Variants in TSHZ2 observed in about 807,000 individuals in gnomAD.
The protein encoded by TSHZ2 is teashirt zinc finger homeobox 2.
Under a neutral mutation model 74.4 loss-of-function variants are expected in TSHZ2, and 21 were observed. The ratio of observed to expected loss-of-function variants is 0.28; its 90% CI spans 0.20 to 0.41. The LOEUF (loss-of-function observed/expected upper bound fraction) is 0.41, where lower values mean the gene tolerates loss of function less well. TSHZ2 is among the 10% of genes least tolerant of loss of function. The pLI is 1.00. For missense variants in TSHZ2, 1,244 were observed against 1,293.5 expected, an observed-to-expected ratio of 0.96 and a Z score of 0.59; for synonymous variants, 540 against 515.3, an observed-to-expected ratio of 1.05 and a Z score of -0.65.
chr20:53,127,431 T>G (rs1600703140), intron 1 of TSHZ2, among the ~76,000 whole-genome samples: 1 of 152,366 alleles, frequency 6.6e-6, no homozygotes, highest in Non-Finnish European at 1.5e-5. Context: ...TGGCTGGGCA[T>G]AGTGGCGCAC....
chr20:53,413,376 C>A (rs987929190), intron 2 of TSHZ2, among the ~76,000 whole-genome samples: 9 of 152,210 alleles, frequency 5.9e-5, no homozygotes, highest in African/African-American at 2.2e-4. Context: ...ACTTAGAAAT[C>A]CTGCAGTGTG....
chr20:53,093,646 C>G (rs1275706195), intron 1 of TSHZ2, among the ~76,000 whole-genome samples: 1 of 152,192 alleles, frequency 6.6e-6, no homozygotes, highest in African/African-American at 2.4e-5. Context: ...TTAGATGTTA[C>G]TTCCTCAGAG....
intron 1 of TSHZ2, among the ~76,000 whole-genome samples, chr20:52,999,993 T>C (rs1982352445): frequency 1.3e-5 from 2 of 152,218 alleles, no homozygotes; most frequent in South Asian, 4.1e-4. Context: ...TATTGAGTAA[T>C]GTTGTTTGTG....
intron 2 of TSHZ2, among the ~76,000 whole-genome samples, chr20:53,270,506 A>G (rs1990812506): frequency 6.6e-6 from 1 of 152,206 alleles, no homozygotes; most frequent in South Asian, 2.1e-4. Context: ...GCAGAGCTGG[A>G]AACTAAGTAT....
chr20:53,343,178 G>T (rs186874510), intron 2 of TSHZ2, among the ~76,000 whole-genome samples: 1 of 151,562 alleles, frequency 6.6e-6, no homozygotes, highest in Admixed American at 6.6e-5. Context: ...TCCTGGCCAG[G>T]TTGGTCTTGA....
At chr20:53,134,761 T>C (rs16997584) in intron 1 of TSHZ2, among the ~76,000 whole-genome samples, 14,979 of 152,174 alleles carry the variant, frequency 0.098, 938 homozygotes, top group East Asian at 0.19. Flanking sequence ...TGCTTTTATA[T>C]TTTTGTTGGT....
chr20:53,444,107 C>T (rs1984455483), intron 2 of TSHZ2, among the ~76,000 whole-genome samples: 4 of 152,120 alleles, frequency 2.6e-5, no homozygotes, highest in Admixed American at 2.6e-4. Flanking sequence ...AGAAGTCACC[C>T]TATGTTTGAA....
intron 1 of TSHZ2, among the ~76,000 whole-genome samples, chr20:53,200,346 G>A (rs6097295): frequency 0.48 from 72,365 of 152,036 alleles, 21,615 homozygotes; most frequent in African/African-American, 0.83. Context: ...GCCTTCACCT[G>A]AAAACCAGGA....
At chr20:53,143,907 T>A (rs1987475092) in intron 1 of TSHZ2, among the ~76,000 whole-genome samples, 1 of 152,008 alleles carries the variant, frequency 6.6e-6, no homozygotes, top group Non-Finnish European at 1.5e-5. Context: ...CAAACCAGTC[T>A]CCCTGAAAAC....
At chr20:53,137,268 C>A (rs997362383) in intron 1 of TSHZ2, among the ~76,000 whole-genome samples, 1 of 150,086 alleles carries the variant, frequency 6.7e-6, no homozygotes, top group African/African-American at 2.4e-5. Flanking sequence ...CACAGCTGGG[C>A]AGACAGATGG....
chr20:53,445,888 G>C (rs1984526597), intron 2 of TSHZ2, among the ~76,000 whole-genome samples: 1 of 152,154 alleles, frequency 6.6e-6, no homozygotes, highest in Non-Finnish European at 1.5e-5. Context: ...CACGTGCCTT[G>C]ATCATGTAAG....
At chr20:52,994,703 T>C (rs1982117246) in intron 1 of TSHZ2, among the ~76,000 whole-genome samples, 1 of 152,170 alleles carries the variant, frequency 6.6e-6, no homozygotes, top group Non-Finnish European at 1.5e-5. Context: ...AGCCATAATG[T>C]GCCGTGAAGT....
chr20:53,224,531 T>C (rs1254729742), intron 1 of TSHZ2, among the ~76,000 whole-genome samples: 1 of 152,182 alleles, frequency 6.6e-6, no homozygotes, highest in Non-Finnish European at 1.5e-5. Context: ...GAAATGTTAG[T>C]GCATTCTCCA....
intron 1 of TSHZ2, among the ~76,000 whole-genome samples, chr20:53,186,514 G>A (rs941839089): frequency 1.3e-5 from 2 of 152,172 alleles, no homozygotes; most frequent in African/African-American, 2.4e-5. Flanking sequence ...TCAGCTCTAG[G>A]AAGAAAACTC....
At chr20:52,981,808 C>T (rs2122880549) in intron 1 of TSHZ2, among the ~76,000 whole-genome samples, 1 of 152,308 alleles carries the variant, frequency 6.6e-6, no homozygotes, top group African/African-American at 2.4e-5. Flanking sequence ...TGCCACTAAA[C>T]AAGTGCTTTT....
intron 2 of TSHZ2, among the ~76,000 whole-genome samples, chr20:53,282,085 A>G (rs920554717): frequency 2.0e-5 from 3 of 152,184 alleles, no homozygotes; most frequent in Non-Finnish European, 4.4e-5. Context: ...CTACAGATGC[A>G]TTTCCCTGTG....
intron 2 of TSHZ2, among the ~76,000 whole-genome samples, chr20:53,395,278 C>A (rs1175956431): frequency 6.6e-6 from 1 of 152,046 alleles, no homozygotes; most frequent in Non-Finnish European, 1.5e-5. Flanking sequence ...ATTAATGGAA[C>A]CTGGACCTAT....
At chr20:53,191,454 G>A (rs1177985817) in intron 1 of TSHZ2, among the ~76,000 whole-genome samples, 1 of 152,200 alleles carries the variant, frequency 6.6e-6, no homozygotes, top group Non-Finnish European at 1.5e-5. Flanking sequence ...CTTGAGGCCA[G>A]GAGTTTGAAA....
intron 1 of TSHZ2, among the ~76,000 whole-genome samples, chr20:53,084,501 G>T (rs1290133479): frequency 6.6e-6 from 1 of 152,160 alleles, no homozygotes. Context: ...CTATCAGTTT[G>T]GTTAGTGAGG....
Sources: gnomAD v4.1 joint callset for allele counts (sites outside exome capture counted in the v4.1 genomes callset) on GRCh38, gnomAD v4.1.1 for gene constraint, MANE v1.5 for transcripts, NCBI Gene and HGNC (gene_info 2026-07-23, HGNC 2026-07-21) for gene names.